The following ARHGAP39 variants were observed in gnomAD, a reference collection of about 807,000 sequenced individuals.
ARHGAP39 encodes the protein rho GTPase-activating protein 39.
A neutral mutation model predicts 106.9 loss-of-function variants in ARHGAP39; 44 were observed. That is an observed-to-expected ratio of 0.41 (90% CI 0.32 to 0.53). The LOEUF (loss-of-function observed/expected upper bound fraction) is 0.53. Ranked by LOEUF, ARHGAP39 falls within the 20% of genes least tolerant of loss-of-function variation. The pLI is 0.21. For synonymous variants in ARHGAP39, 768 were observed against 693.2 expected, an observed-to-expected ratio of 1.11 and a Z score of -1.69; for missense variants, 1,496 against 1,577.3, an observed-to-expected ratio of 0.95 and a Z score of 0.87.
intron 1 of ARHGAP39, among the ~76,000 whole-genome samples, chr8:144,652,890 T>C (rs1160629381): frequency 6.6e-6 from 1 of 151,604 alleles, no homozygotes; most frequent in Non-Finnish European, 1.5e-5. Flanking sequence ...GTAACAAACC[T>C]TCACATGTAC....
Position 144,660,966 on chromosome 8 carries a change from C to T in ARHGAP39, c.-82+24720G>A, listed in dbSNP as rs151306046. Among the ~76,000 whole-genome samples, 248 of 152,018 alleles carry T rather than the reference C, an allele frequency of 1.6e-3. 1 individual carries two copies. The highest frequency in any genetic ancestry group is 6.6e-4 in the Non-Finnish European group (45 of 67,966). ...TGCCATCGCACTCCAGCCTGGGTGA[C>T]AGAATGAGACTCCATCTCAAAAAAA... is the stretch of plus-strand genomic sequence containing the variant. On this transcript the variant is annotated intron_variant, in intron 1 of 11. Transcript: ENST00000377307.
intron 6 of ARHGAP39, among the ~76,000 whole-genome samples, chr8:144,539,192 T>A (rs905227458): frequency 6.6e-6 from 1 of 152,216 alleles, no homozygotes; most frequent in African/African-American, 2.4e-5. Flanking sequence ...GCTGACAGAA[T>A]GAGGAAGCCC....
chr8:144,531,279 T>C (rs1252777621), intron 10 of ARHGAP39, among the ~76,000 whole-genome samples: 4,407 of 27,906 alleles, frequency 0.16, 595 homozygotes, highest in Non-Finnish European at 0.23. Context: ...GGGCTAGACA[T>C]AGCAGGCACG....
intron 1 of ARHGAP39, among the ~76,000 whole-genome samples, chr8:144,607,092 G>A (rs771051007): frequency 2.6e-5 from 4 of 151,574 alleles, no homozygotes; most frequent in African/African-American, 9.7e-5. Context: ...GGCCACATCA[G>A]ACATATTAAA....
At chr8:144,636,747 C>T (rs994031094) in intron 1 of ARHGAP39, among the ~76,000 whole-genome samples, 1 of 152,182 alleles carries the variant, frequency 6.6e-6, no homozygotes, top group Non-Finnish European at 1.5e-5. Flanking sequence ...CACTCCCGCA[C>T]CCCAGGCTCA....
rs532433895 is a variant in ARHGAP39 at position 144,579,355 on chromosome 8, C to T, written c.512+1491G>A. On this transcript the variant is annotated intron_variant, in intron 3 of 11. Coordinates refer to ENST00000377307, the MANE Select transcript of ARHGAP39 (RefSeq NM_025251.3). ...GGAAAGCAAGTAGTGTTGGCAAGGCCGTGGATAACTTTGAACCCTCATATT... is the reference window on the plus strand; with the variant it reads ...GGAAAGCAAGTAGTGTTGGCAAGGCTGTGGATAACTTTGAACCCTCATATT... Among the ~76,000 whole-genome samples, 11 of 152,254 alleles carry T rather than the reference C, an allele frequency of 7.2e-5. No individual in the cohort carries two copies. The South Asian group carries it at 1.9e-3, about 26-fold the overall frequency.
Position 144,585,410 on chromosome 8 carries a change from G to T in ARHGAP39, c.81-4133C>A, listed in dbSNP as rs1472160286. 6.7e-6 allele frequency among the ~76,000 whole-genome samples: 1 copy of T among 150,368 alleles called. No homozygotes were observed. The highest frequency in any genetic ancestry group is 1.5e-5 in the Non-Finnish European group (1 of 67,586). ...GCACCGGCTCACCGAGAACCTGGAGGGGCCAGCCAGGGGTACCCAGCACCG... is the reference window on the plus strand; with the variant it reads ...GCACCGGCTCACCGAGAACCTGGAGTGGCCAGCCAGGGGTACCCAGCACCG... On this transcript the variant is annotated intron_variant, in intron 2 of 11. Coordinates refer to ENST00000377307, the MANE Select transcript of ARHGAP39 (RefSeq NM_025251.3). This position sits in a 1 kb window ranked among gnomAD's most constrained non-coding sequence, Gnocchi z 4.6.
At chr8:144,632,799 C>G (rs1416706980) in intron 1 of ARHGAP39, among the ~76,000 whole-genome samples, 1 of 152,222 alleles carries the variant, frequency 6.6e-6, no homozygotes. Flanking sequence ...CTCACAAACC[C>G]AAACTCCAAA....
rs111421613 is a variant in ARHGAP39 at position 144,626,569 on chromosome 8, C to T, written c.-81-20874G>A. On this transcript the variant is annotated intron_variant, in intron 1 of 11. Transcript: ENST00000377307. Reference sequence around the variant, plus strand: ...CCCGGCGGCCCCGTTCACGGAGCACCCACTGCACACTGCGGCATCCCCTGT... The same window carrying T: ...CCCGGCGGCCCCGTTCACGGAGCACTCACTGCACACTGCGGCATCCCCTGT... Among the ~76,000 whole-genome samples, 943 of 106,628 alleles carry T rather than the reference C, an allele frequency of 8.8e-3. 18 individuals are homozygous for T. The highest frequency in any genetic ancestry group is 0.036 in the African/African-American group (861 of 24,232). The allele number at this position is 106,628 out of a possible 152,430, so 70.0% of individuals were successfully genotyped here. A position where few individuals can be genotyped will look rare whatever the true frequency, so the allele number is the denominator to read the frequency against.
At chr8:144,599,658 G>C (rs1413291845) in intron 2 of ARHGAP39, among the ~76,000 whole-genome samples, 1 of 152,000 alleles carries the variant, frequency 6.6e-6, no homozygotes, top group African/African-American at 2.4e-5. Context: ...AATAAAAAGG[G>C]GGACAAAAAA....
intron 3 of ARHGAP39, among the ~76,000 whole-genome samples, chr8:144,559,191 G>C (rs1392701732): frequency 6.6e-6 from 1 of 151,742 alleles, no homozygotes; most frequent in Non-Finnish European, 1.5e-5. Context: ...CTGGGCGACA[G>C]AGCGAGACTC....
At chr8:144,572,652 C>T (rs950685733) in intron 3 of ARHGAP39, among the ~76,000 whole-genome samples, 6 of 152,164 alleles carry the variant, frequency 3.9e-5, no homozygotes, top group Non-Finnish European at 8.8e-5. Flanking sequence ...TAAAGAGCTT[C>T]TGCACAGCAA....
rs189661858 is a variant in ARHGAP39 at position 144,664,536 on chromosome 8, A to G, written c.-82+21150T>C. Among the ~76,000 whole-genome samples, 226 of 152,306 alleles carry G rather than the reference A, an allele frequency of 1.5e-3. 1 individual carries two copies. Among genetic ancestry groups the G allele is most frequent in the Middle Eastern group, 6.8e-3 (2 of 294 alleles). On this transcript the variant is annotated intron_variant, in intron 1 of 11. Coordinates refer to ENST00000377307, the MANE Select transcript of ARHGAP39 (RefSeq NM_025251.3). ...GGAGCTGCAGGACTCAGCCATGGTTATGTGGTTTGGCTGTGTCCCCACCCA... is the reference window on the plus strand; with the variant it reads ...GGAGCTGCAGGACTCAGCCATGGTTGTGTGGTTTGGCTGTGTCCCCACCCA...
chr8:144,545,845 TGGGGGA>T, intron 5 of ARHGAP39, 35 bp from the exon 6 acceptor site: 1 of 1,042,206 alleles, frequency 9.6e-7, no homozygotes, highest in Non-Finnish European at 1.3e-6. Flanking sequence ...CTGTTGGGGG[TGGGGGA>T]GGGCCAGGCA....
At chr8:144,574,942 T>C (rs1238794673) in intron 3 of ARHGAP39, among the ~76,000 whole-genome samples, 1 of 152,218 alleles carries the variant, frequency 6.6e-6, no homozygotes, top group African/African-American at 2.4e-5. Context: ...AGTACAGTTA[T>C]ACACATGCAG....
intron 1 of ARHGAP39, among the ~76,000 whole-genome samples, chr8:144,630,075 T>C (rs904922327): frequency 2.6e-5 from 4 of 152,046 alleles, no homozygotes; most frequent in Non-Finnish European, 5.9e-5. Context: ...CGAGCCCAGA[T>C]GCCAACACCA....
intron 2 of ARHGAP39, among the ~76,000 whole-genome samples, chr8:144,584,687 C>T (rs543722062): frequency 6.6e-5 from 10 of 152,114 alleles, no homozygotes; most frequent in Admixed American, 1.3e-4. Context: ...CCCTTGAACC[C>T]GGGAGGCAGA....
At chr8:144,541,838 GT>G (rs1817204745) in intron 6 of ARHGAP39, among the ~76,000 whole-genome samples, 1 of 152,276 alleles carries the variant, frequency 6.6e-6, no homozygotes, top group South Asian at 2.1e-4. Context: ...CACCATTACA[GT>G]CCTGGCTCCC....
chr8:144,695,698 A>G, the ARHGAP39 span, among the ~76,000 whole-genome samples: 4 of 152,206 alleles, frequency 2.6e-5, no homozygotes, highest in African/African-American at 9.7e-5. Flanking sequence ...ACAATTTTAC[A>G]GAAATAAAGT....
Sources: gnomAD v4.1 joint callset for allele counts (sites outside exome capture counted in the v4.1 genomes callset) on GRCh38, gnomAD v4.1.1 for gene constraint, Gnocchi (gnomAD v3.1) non-coding constraint, MANE v1.5 for transcripts, NCBI Gene and HGNC (gene_info 2026-07-23, HGNC 2026-07-21) for gene names.